DOCK2: variants seen among roughly 807,000 people sequenced by gnomAD.
The protein encoded by DOCK2 is dedicator of cytokinesis 2, also known as dedicator of cytokinesis protein 2.
In DOCK2, 87 loss-of-function variants were observed where a neutral mutation model predicts 248.9. That is an observed-to-expected ratio of 0.35 (90% CI 0.29 to 0.42). The LOEUF (loss-of-function observed/expected upper bound fraction) is 0.42. Among genes scored for constraint, DOCK2 ranks in the 10% least tolerant of loss-of-function variants. DOCK2 has a pLI of 1.00. For synonymous variants in DOCK2, 805 were observed against 821.6 expected (o/e 0.98, Z 0.35); for missense variants, 1,747 against 2,300.2 (o/e 0.76, Z 4.92).
intron 26 of DOCK2, among the ~76,000 whole-genome samples, chr5:169,815,848 T>G (rs1210761725): frequency 6.6e-6 from 1 of 152,008 alleles, no homozygotes; most frequent in African/African-American, 2.4e-5. Context: ...GCGTGGCGGC[T>G]TGGAGGAATG....
chr5:169,883,617 G>A, intron 27 of DOCK2: 1 of 1,551,606 alleles, frequency 6.4e-7, no homozygotes, highest in Non-Finnish European at 8.7e-7. Context: ...GGATTGCAAT[G>A]TTGCGAAAGC....
At chr5:169,855,260 A>G (rs1308121622) in intron 27 of DOCK2, among the ~76,000 whole-genome samples, 1 of 152,256 alleles carries the variant, frequency 6.6e-6, no homozygotes, top group Non-Finnish European at 1.5e-5. Context: ...TATCACTATC[A>G]GTAGTAATAA....
chr5:169,651,213 G>A (rs180679799), intron 1 of DOCK2, among the ~76,000 whole-genome samples: 17 of 152,332 alleles, frequency 1.1e-4, no homozygotes, highest in Admixed American at 2.0e-4. Context: ...TCCTTTGTCA[G>A]TCATGTCTGC....
At chr5:169,950,518 C>G (rs1776617538) in intron 27 of DOCK2, among the ~76,000 whole-genome samples, 1 of 152,190 alleles carries the variant, frequency 6.6e-6, no homozygotes, top group East Asian at 1.9e-4. Flanking sequence ...GGCCACACAA[C>G]ATGGCCCCTC....
At chr5:169,658,289 G>A (rs750760882) in intron 2 of DOCK2, among the ~76,000 whole-genome samples, 33 of 151,794 alleles carry the variant, frequency 2.2e-4, no homozygotes, top group Non-Finnish European at 4.1e-4. Flanking sequence ...GACCCTCCTG[G>A]CTAACATGGT....
chr5:169,681,054 A>C (rs1424324175), intron 6 of DOCK2, among the ~76,000 whole-genome samples: 1 of 143,476 alleles, frequency 7.0e-6, no homozygotes, highest in African/African-American at 2.6e-5. Context: ...AAGGTCTGCT[A>C]TGTGGTATTC....
At chr5:169,723,125 C>T (rs1459348587) in intron 22 of DOCK2, among the ~76,000 whole-genome samples, 2 of 152,192 alleles carry the variant, frequency 1.3e-5, no homozygotes, top group East Asian at 3.8e-4. Context: ...GCTCTTATTA[C>T]AGACCTGCTT....
chr5:170,082,649 C>A, intron 51 of DOCK2, 147 bp from the exon 52 acceptor site: 1 of 1,053,720 alleles, frequency 9.5e-7, no homozygotes, highest in Non-Finnish European at 1.4e-6. Flanking sequence ...CCTTTCTGGC[C>A]AAAGCCAAGG....
intron 30 of DOCK2, among the ~76,000 whole-genome samples, chr5:170,008,024 G>T (rs1581522704): frequency 6.6e-6 from 1 of 152,194 alleles, no homozygotes. Flanking sequence ...ATTGCAGTTT[G>T]GTCCTCCAAG....
intron 26 of DOCK2, among the ~76,000 whole-genome samples, chr5:169,821,650 C>A (rs1768451437): frequency 6.6e-6 from 1 of 152,202 alleles, no homozygotes; most frequent in African/African-American, 2.4e-5. Flanking sequence ...CAACCAGTAC[C>A]AGCCACTGCA....
intron 27 of DOCK2, among the ~76,000 whole-genome samples, chr5:169,941,922 C>T (rs1776260417): frequency 6.6e-6 from 1 of 152,162 alleles, no homozygotes; most frequent in Non-Finnish European, 1.5e-5. Flanking sequence ...ATGTCAAGTC[C>T]CATCCTTTCT....
At chr5:169,816,546 CT>C (rs1768079802) in intron 26 of DOCK2, among the ~76,000 whole-genome samples, 1 of 152,236 alleles carries the variant, frequency 6.6e-6, no homozygotes, top group Non-Finnish European at 1.5e-5. Flanking sequence ...ACATTTCCAA[CT>C]GTTTTCTGCC....
At chr5:169,935,950 C>T (rs900932734) in intron 27 of DOCK2, among the ~76,000 whole-genome samples, 1 of 152,136 alleles carries the variant, frequency 6.6e-6, no homozygotes, top group Non-Finnish European at 1.5e-5. Context: ...TGTCTCTAAC[C>T]ACAACTAATA....
intron 44 of DOCK2, among the ~76,000 whole-genome samples, chr5:170,060,669 G>A (rs984137558): frequency 6.6e-6 from 1 of 152,202 alleles, no homozygotes; most frequent in Admixed American, 6.5e-5. Flanking sequence ...GAGAGCACCT[G>A]TCCTGTGCAG....
At chr5:169,674,472 G>A (rs376223836) in intron 6 of DOCK2, 27 bp downstream of exon 6, 11 of 1,611,540 alleles carry the variant, frequency 6.8e-6, no homozygotes, top group Admixed American at 1.7e-5. Context: ...CTGCAAAGAG[G>A]TTTTCTTCCC....
chr5:169,738,645 C>G (rs548509832), intron 22 of DOCK2, among the ~76,000 whole-genome samples: 1 of 152,108 alleles, frequency 6.6e-6, no homozygotes, highest in Non-Finnish European at 1.5e-5. Context: ...AAAAAAGAAG[C>G]TAAGTCTTAT....
chr5:169,810,570 C>T (rs541953015), intron 26 of DOCK2, among the ~76,000 whole-genome samples: 1 of 152,252 alleles, frequency 6.6e-6, no homozygotes, highest in South Asian at 2.1e-4. Flanking sequence ...GGTTGGTTAA[C>T]ATCAGGTTAC....
intron 26 of DOCK2, among the ~76,000 whole-genome samples, chr5:169,816,517 T>G (rs1458771988): frequency 6.6e-6 from 1 of 152,192 alleles, no homozygotes; most frequent in Non-Finnish European, 1.5e-5. Context: ...CAAACTCAGC[T>G]TAATTTTCCT....
chr5:169,829,035 T>C (rs1205002829), intron 26 of DOCK2, among the ~76,000 whole-genome samples: 2 of 152,102 alleles, frequency 1.3e-5, no homozygotes, highest in African/African-American at 2.4e-5. Context: ...ATTTTAATGC[T>C]CTCATTCAGG....
Sources: gnomAD v4.1 joint callset for allele counts (sites outside exome capture counted in the v4.1 genomes callset) on GRCh38, gnomAD v4.1.1 for gene constraint, MANE v1.5 for transcripts, NCBI Gene and HGNC (gene_info 2026-07-23, HGNC 2026-07-21) for gene names.